DOCK4: variants seen among roughly 807,000 people sequenced by gnomAD.
DOCK4 encodes dedicator of cytokinesis protein 4.
DOCK4 carries 97 observed loss-of-function variants against 268.1 expected under a neutral mutation model. The ratio of observed to expected loss-of-function variants is 0.36; its 90% confidence interval spans 0.31 to 0.43. The LOEUF (loss-of-function observed/expected upper bound fraction) is 0.43. DOCK4 is among the 20% of genes least tolerant of loss of function. The pLI is 1.00. For missense variants in DOCK4, 2,145 were observed against 2,455.7 expected, an observed-to-expected ratio of 0.87 and a Z score of 2.67; for synonymous variants, 954 against 887.2, an observed-to-expected ratio of 1.08 and a Z score of -1.34.
chr7:111,870,036 G>A (rs890929662), intron 20 of DOCK4, among the ~76,000 whole-genome samples: 16 of 152,150 alleles, frequency 1.1e-4, no homozygotes, highest in African/African-American at 3.6e-4. Flanking sequence ...TAAACAGCTG[G>A]ATGCAATATC....
chr7:111,741,459 G>T, intron 46 of DOCK4, 81 bp downstream of exon 46: 1 of 1,549,030 alleles, frequency 6.5e-7, no homozygotes, highest in Non-Finnish European at 8.7e-7. Context: ...TTGACAAATT[G>T]TGCCATAAAG....
intron 1 of DOCK4, among the ~76,000 whole-genome samples, chr7:112,116,431 G>C (rs775758426): frequency 1.1e-4 from 17 of 152,066 alleles, no homozygotes; most frequent in Non-Finnish European, 2.2e-4. Flanking sequence ...TGAATACATA[G>C]TTTTACTAAA....
At chr7:112,018,179 A>AAAAAAAAACACAC in intron 1 of DOCK4, among the ~76,000 whole-genome samples, 10 of 72,630 alleles carry the variant, frequency 1.4e-4, no homozygotes, top group African/African-American at 2.7e-4. Flanking sequence ...AAAAAAAAAA[A>AAAAAAAAACACAC]ACACAGGCAA....
chr7:112,179,491 A>T (rs1039507076), intron 1 of DOCK4, among the ~76,000 whole-genome samples: 4 of 151,322 alleles, frequency 2.6e-5, no homozygotes, highest in Admixed American at 2.6e-4. Context: ...CAGGAGTTTC[A>T]GCAAAGCACC....
intron 8 of DOCK4, among the ~76,000 whole-genome samples, chr7:111,948,693 C>T (rs1795817967): frequency 6.6e-6 from 1 of 151,554 alleles, no homozygotes; most frequent in East Asian, 1.9e-4. Flanking sequence ...CTCCCGGATT[C>T]AGGCGATTCT....
At chr7:111,874,289 G>T (rs957475482) in intron 17 of DOCK4, among the ~76,000 whole-genome samples, 2 of 152,124 alleles carry the variant, frequency 1.3e-5, no homozygotes, top group Admixed American at 6.6e-5. Flanking sequence ...GGGCCATCAG[G>T]ACCCTGCTCA....
intron 37 of DOCK4, among the ~76,000 whole-genome samples, chr7:111,767,955 T>C (rs775379467): frequency 3.9e-5 from 6 of 152,106 alleles, no homozygotes; most frequent in Admixed American, 6.6e-5. Flanking sequence ...ACTTTAGTCT[T>C]TGAGGACCAT....
At chr7:111,933,279 CATATAT>C (rs1174523261) in intron 12 of DOCK4, among the ~76,000 whole-genome samples, 2 of 91,218 alleles carry the variant, frequency 2.2e-5, no homozygotes, top group Non-Finnish European at 4.3e-5. Context: ...TACATATATA[CATATAT>C]ATATATATAT....
chr7:112,050,164 A>G (rs1262139814), intron 1 of DOCK4, among the ~76,000 whole-genome samples: 2 of 152,190 alleles, frequency 1.3e-5, no homozygotes, highest in African/African-American at 4.8e-5. Flanking sequence ...GACATTCAGC[A>G]GCACAAATAA....
chr7:111,860,004 C>T (rs1805369246), intron 23 of DOCK4, among the ~76,000 whole-genome samples: 1 of 152,206 alleles, frequency 6.6e-6, no homozygotes, highest in Admixed American at 6.5e-5. Flanking sequence ...TCTTTCCCCT[C>T]CAGTCAGACA....
At chr7:111,940,044 C>T (rs1013044043) in intron 11 of DOCK4, 66 bp downstream of exon 11, 30 of 1,543,228 alleles carry the variant, frequency 1.9e-5, no homozygotes, top group South Asian at 4.5e-5. Flanking sequence ...AAGTAGCATT[C>T]GCCCAAGTAG....
At chr7:112,113,455 T>C (rs1811847104) in intron 1 of DOCK4, among the ~76,000 whole-genome samples, 1 of 152,110 alleles carries the variant, frequency 6.6e-6, no homozygotes, top group African/African-American at 2.4e-5. Context: ...AAAAATCACA[T>C]TGGAAAATTG....
chr7:112,122,550 C>T (rs988300396), intron 1 of DOCK4, among the ~76,000 whole-genome samples: 2 of 152,134 alleles, frequency 1.3e-5, no homozygotes, highest in South Asian at 2.1e-4. Context: ...GGATTACAAG[C>T]GTTAGCCACC....
In DOCK4 at chr7:112,106,991, T is replaced by C. The variant is rs550684289; in HGVS notation, c.37+99111A>G. ...ATTTTTTAAGTAGTATGTGTGGCTATAGATCATTTCCATAAAAGTCTAATA... is the reference window on the plus strand; with the variant it reads ...ATTTTTTAAGTAGTATGTGTGGCTACAGATCATTTCCATAAAAGTCTAATA... On this transcript the variant is annotated intron_variant, in intron 1 of 52. Transcript: ENST00000428084. Among the ~76,000 whole-genome samples, 33 of 152,372 alleles carry C rather than the reference T, an allele frequency of 2.2e-4. No individual in the cohort carries two copies. In the South Asian group the frequency reaches 3.3e-3, roughly 15 times the overall value.
intron 36 of DOCK4, among the ~76,000 whole-genome samples, chr7:111,770,310 A>AGTGTGTGG (rs1362459282): frequency 6.1e-5 from 9 of 147,632 alleles, no homozygotes; most frequent in African/African-American, 2.2e-4. Context: ...GAGTGGGGGG[A>AGTGTGTGG]GTGTGTGGGT....
intron 12 of DOCK4, among the ~76,000 whole-genome samples, chr7:111,922,805 TCTC>T (rs1000120754): frequency 7.2e-5 from 11 of 152,102 alleles, no homozygotes; most frequent in Admixed American, 2.0e-4. Context: ...ATGGTCTCGA[TCTC>T]CTGACCTCGG....
intron 3 of DOCK4, among the ~76,000 whole-genome samples, chr7:111,998,748 TACTC>T (rs1377682502): frequency 1.3e-5 from 2 of 152,174 alleles, no homozygotes; most frequent in Non-Finnish European, 2.9e-5. Context: ...AATTAAATCT[TACTC>T]AGAAAACATA....
chr7:111,734,631 G>A (rs545897205), intron 51 of DOCK4, among the ~76,000 whole-genome samples: 12 of 152,312 alleles, frequency 7.9e-5, no homozygotes, highest in African/African-American at 2.4e-4. Flanking sequence ...CTTATGGAGC[G>A]TAACTGTTAG....
chr7:112,182,869 C>T (rs1488640365), intron 1 of DOCK4, among the ~76,000 whole-genome samples: 1 of 152,216 alleles, frequency 6.6e-6, no homozygotes, highest in South Asian at 2.1e-4. Flanking sequence ...AACAGGGTGG[C>T]CACAGGACTG....
Sources: allele counts gnomAD v4.1 joint callset (sites outside exome capture counted in the v4.1 genomes callset), GRCh38; gene constraint gnomAD v4.1.1; transcripts MANE v1.5; gene names NCBI Gene and HGNC (gene_info 2026-07-23, HGNC 2026-07-21).